Variants in TFEC observed in about 807,000 individuals in gnomAD.
TFEC encodes the protein transcription factor EC.
A neutral mutation model predicts 41.6 loss-of-function variants in TFEC; 31 were observed. That is an observed-to-expected ratio of 0.74 (90% CI 0.56 to 1.01). The LOEUF (loss-of-function observed/expected upper bound fraction) is 1.01. TFEC is among the 50% of genes least tolerant of loss of function. TFEC has a pLI of 0.00. For synonymous variants in TFEC, 143 were observed against 140.6 expected (o/e 1.02, Z -0.12); for missense variants, 402 against 404.1 (o/e 0.99, Z 0.04).
chr7:116,153,686 TTTAC>T (rs1200157988), intron 1 of TFEC, among the ~76,000 whole-genome samples: 1 of 152,140 alleles, frequency 6.6e-6, no homozygotes, highest in Non-Finnish European at 1.5e-5. Flanking sequence ...TCTTCCTTCC[TTTAC>T]TATTTTAGCA....
chr7:116,016,328 A>T (rs965996673), intron 1 of TFEC, among the ~76,000 whole-genome samples: 2 of 152,196 alleles, frequency 1.3e-5, no homozygotes, highest in Non-Finnish European at 2.9e-5. Flanking sequence ...AGGAGACCTC[A>T]GGGCTCAGAC....
chr7:115,964,319 T>G (rs1792732230), intron 3 of TFEC, among the ~76,000 whole-genome samples: 1 of 151,528 alleles, frequency 6.6e-6, no homozygotes, highest in Admixed American at 6.6e-5. Context: ...TATCATATTT[T>G]CAAGAAATAT....
At chr7:116,018,826 A>G (rs926391108) in intron 1 of TFEC, among the ~76,000 whole-genome samples, 3 of 152,158 alleles carry the variant, frequency 2.0e-5, no homozygotes, top group South Asian at 4.1e-4. Context: ...AGAGGCCCCA[A>G]CTGAGATGGA....
chr7:115,948,855 T>C (rs557609055), intron 6 of TFEC, among the ~76,000 whole-genome samples: 1,771 of 148,310 alleles, frequency 0.012, 24 homozygotes, highest in African/African-American at 0.041. Context: ...CCAGGGCAAT[T>C]AGGCAGGAGA....
chr7:116,005,227 G>T (rs986060236), intron 1 of TFEC, among the ~76,000 whole-genome samples: 1 of 152,218 alleles, frequency 6.6e-6, no homozygotes, highest in East Asian at 1.9e-4. Context: ...AAATGTGGAA[G>T]CGACTTTGGA....
intron 3 of TFEC, among the ~76,000 whole-genome samples, chr7:116,102,166 G>A (rs943251566): frequency 3.3e-5 from 5 of 152,148 alleles, no homozygotes; most frequent in Admixed American, 6.5e-5. Context: ...GTCTAGCTTA[G>A]AAAAGTATAA....
At chr7:116,140,054 A>G (rs1435409789) in intron 1 of TFEC, among the ~76,000 whole-genome samples, 1 of 152,256 alleles carries the variant, frequency 6.6e-6, no homozygotes, top group Non-Finnish European at 1.5e-5. Context: ...AAATATCATC[A>G]TAGCAGGTTA....
chr7:116,002,317 A>G (rs1794629260), intron 1 of TFEC, among the ~76,000 whole-genome samples: 1 of 152,240 alleles, frequency 6.6e-6, no homozygotes, highest in Non-Finnish European at 1.5e-5. Flanking sequence ...AATGTGGTAC[A>G]TATACACACT....
intron 3 of TFEC, among the ~76,000 whole-genome samples, chr7:116,068,007 T>C (rs977249287): frequency 6.6e-6 from 1 of 151,830 alleles, no homozygotes; most frequent in African/African-American, 2.4e-5. Flanking sequence ...CTCTGATATA[T>C]CTAAGACATT....
At chr7:115,995,194 T>C (rs1472888438) in intron 1 of TFEC, among the ~76,000 whole-genome samples, 1 of 93,952 alleles carries the variant, frequency 1.1e-5, no homozygotes, top group Non-Finnish European at 2.0e-5. Flanking sequence ...CTGGGGCCTG[T>C]CATGGGGTGG....
intron 3 of TFEC, among the ~76,000 whole-genome samples, chr7:115,970,148 C>A (rs1793067373): frequency 6.6e-6 from 1 of 151,782 alleles, no homozygotes; most frequent in Non-Finnish European, 1.5e-5. Context: ...TTAGGACACT[C>A]CAGAATTTAG....
intron 1 of TFEC, among the ~76,000 whole-genome samples, chr7:116,022,498 G>A (rs3915084): frequency 0.035 from 5,261 of 152,234 alleles, 304 homozygotes; most frequent in African/African-American, 0.12. Context: ...TTCCTTGGAT[G>A]TCAAGTAGCC....
intron 1 of TFEC, among the ~76,000 whole-genome samples, chr7:115,988,067 A>G (rs1793936993): frequency 6.6e-6 from 1 of 152,174 alleles, no homozygotes; most frequent in African/African-American, 2.4e-5. Flanking sequence ...ATTGCAAATT[A>G]ACCTATATAG....
intron 3 of TFEC, among the ~76,000 whole-genome samples, chr7:116,037,508 T>C (rs981631258): frequency 5.9e-5 from 9 of 152,018 alleles, no homozygotes; most frequent in African/African-American, 1.2e-4. Context: ...ATTGAGTCTC[T>C]TGGCAAATAA....
chr7:116,044,920 C>T (rs928682920), intron 3 of TFEC, among the ~76,000 whole-genome samples: 1 of 152,184 alleles, frequency 6.6e-6, no homozygotes, highest in African/African-American at 2.4e-5. Flanking sequence ...TTAGATTTCA[C>T]CAGTTACGTA....
intron 3 of TFEC, among the ~76,000 whole-genome samples, chr7:116,079,263 C>T (rs1797032865): frequency 6.6e-6 from 1 of 152,048 alleles, no homozygotes; most frequent in Admixed American, 6.6e-5. Context: ...CCCCTGAGAA[C>T]TGGCACAAGA....
intron 2 of TFEC, 103 bp downstream of exon 2, chr7:115,984,159 T>C: frequency 7.9e-6 from 11 of 1,393,174 alleles, no homozygotes; most frequent in Non-Finnish European, 9.8e-6. Flanking sequence ...TTTTGTTACA[T>C]TTGCAATCAG....
chr7:115,994,677 A>C (rs1032432988), intron 1 of TFEC, among the ~76,000 whole-genome samples: 1 of 152,186 alleles, frequency 6.6e-6, no homozygotes, highest in Non-Finnish European at 1.5e-5. Flanking sequence ...AATGGCAATC[A>C]TTTAAAAAGT....
intron 2 of TFEC, among the ~76,000 whole-genome samples, chr7:115,979,990 T>C (rs1427010261): frequency 1.3e-5 from 2 of 152,198 alleles, no homozygotes; most frequent in Non-Finnish European, 2.9e-5. Context: ...TTCTGAAGCA[T>C]TGCTTTGATT....
Sources: gnomAD v4.1 joint callset for allele counts (sites outside exome capture counted in the v4.1 genomes callset) on GRCh38, gnomAD v4.1.1 for gene constraint, MANE v1.5 for transcripts, NCBI Gene and HGNC (gene_info 2026-07-23, HGNC 2026-07-21) for gene names.